Variants in PDE10A observed in about 807,000 individuals in gnomAD.
PDE10A encodes phosphodiesterase 10A.
PDE10A carries 39 observed loss-of-function variants against 97.7 expected under a neutral mutation model. The observed-to-expected ratio is 0.40, with a 90% CI of 0.31 to 0.52. PDE10A has a LOEUF of 0.52. PDE10A is among the 20% of genes least tolerant of loss of function. The pLI is 0.56. For missense variants in PDE10A, 731 were observed against 1,047.8 expected (o/e 0.70, Z 4.17); for synonymous variants, 371 against 376.8 (o/e 0.98, Z 0.18).
intron 1 of PDE10A, among the ~76,000 whole-genome samples, chr6:165,672,880 A>G (rs1790687503): frequency 6.6e-6 from 1 of 152,208 alleles, no homozygotes; most frequent in African/African-American, 2.4e-5. Context: ...ACACCATCAT[A>G]AAGTCAAAAA....
intron 20 of PDE10A, among the ~76,000 whole-genome samples, chr6:165,338,956 TGGG>T (rs1398276269): frequency 6.6e-6 from 1 of 152,206 alleles, no homozygotes; most frequent in Non-Finnish European, 1.5e-5. Context: ...CTTTTAGCCT[TGGG>T]AACAAAATCA....
chr6:165,444,634 CATA>C (rs1790708833), intron 5 of PDE10A, among the ~76,000 whole-genome samples: 1 of 151,342 alleles, frequency 6.6e-6, no homozygotes. Flanking sequence ...TAATGATTTC[CATA>C]ATAATATTTT....
At chr6:165,386,715 G>A (rs1785324817) in intron 17 of PDE10A, among the ~76,000 whole-genome samples, 1 of 151,894 alleles carries the variant, frequency 6.6e-6, no homozygotes, top group Non-Finnish European at 1.5e-5. Context: ...AAATTTCTAT[G>A]TATGCAGCCA....
At chr6:165,478,570 C>T (rs6930523) in intron 3 of PDE10A, among the ~76,000 whole-genome samples, 12,384 of 152,206 alleles carry the variant, frequency 0.081, 633 homozygotes, top group East Asian at 0.25. Context: ...CATCACATGA[C>T]GGCAGGCCCT....
chr6:165,651,779 C>T (rs537555941), intron 1 of PDE10A, among the ~76,000 whole-genome samples: 1 of 152,070 alleles, frequency 6.6e-6, no homozygotes, highest in African/African-American at 2.4e-5. Flanking sequence ...CATAAATATA[C>T]CTATATATGT....
chr6:165,549,561 T>C (rs765279399), intron 1 of PDE10A, among the ~76,000 whole-genome samples: 11 of 152,178 alleles, frequency 7.2e-5, no homozygotes, highest in Non-Finnish European at 1.6e-4. Flanking sequence ...CCTGACCTCA[T>C]GATCCACCCA....
intron 14 of PDE10A, among the ~76,000 whole-genome samples, chr6:165,396,102 C>T (rs1786136009): frequency 6.6e-6 from 1 of 152,052 alleles, no homozygotes; most frequent in Non-Finnish European, 1.5e-5. Flanking sequence ...AAACTGAGTT[C>T]AGATTTTCTT....
chr6:165,705,560 A>C (rs1327003797), intron 1 of PDE10A, among the ~76,000 whole-genome samples: 1 of 152,238 alleles, frequency 6.6e-6, no homozygotes, highest in Non-Finnish European at 1.5e-5. Context: ...TGAATTCAAA[A>C]TGTTATTCAA....
At chr6:165,425,877 T>A (rs1332841619) in intron 10 of PDE10A, among the ~76,000 whole-genome samples, 3 of 151,056 alleles carry the variant, frequency 2.0e-5, no homozygotes, top group African/African-American at 4.9e-5. Context: ...GGATACATAA[T>A]CAAGGTATAA....
intron 18 of PDE10A, among the ~76,000 whole-genome samples, chr6:165,355,597 C>T (rs968644211): frequency 7.9e-5 from 12 of 151,956 alleles, no homozygotes; most frequent in African/African-American, 2.9e-4. Flanking sequence ...TGTATCTAGC[C>T]CCTGTTGCTG....
chr6:165,844,445 TA>T (rs1159551390), intron 1 of PDE10A, among the ~76,000 whole-genome samples: 2 of 152,202 alleles, frequency 1.3e-5, no homozygotes, highest in Non-Finnish European at 2.9e-5. Context: ...TGGTGAAATT[TA>T]ATAGGGAGCA....
intron 1 of PDE10A, among the ~76,000 whole-genome samples, chr6:165,595,856 G>C (rs1020137183): frequency 1.3e-5 from 2 of 152,066 alleles, no homozygotes; most frequent in African/African-American, 4.8e-5. Context: ...ATTCTCAGGG[G>C]TACAGCCCTC....
intron 1 of PDE10A, among the ~76,000 whole-genome samples, chr6:165,967,987 C>T (rs751587431): frequency 2.6e-5 from 4 of 152,136 alleles, no homozygotes; most frequent in Non-Finnish European, 4.4e-5. Flanking sequence ...GCTCTGGTGT[C>T]GATGCTGAGC....
At chr6:165,595,335 A>G (rs770602086) in intron 1 of PDE10A, among the ~76,000 whole-genome samples, 22 of 152,360 alleles carry the variant, frequency 1.4e-4, no homozygotes, top group Non-Finnish European at 2.5e-4. Context: ...GCCTTTGGCT[A>G]TATTATAGAG....
In PDE10A at chr6:165,562,284, G is replaced by A. The variant is rs544995447; in HGVS notation, c.866-18716C>T. ...ATTCATATTATGTATAAAATAGAAT[G>A]TAGCCTGTTATTAAATCTATATACC... On this transcript the variant is annotated intron_variant, in intron 1 of 21. Coordinates refer to ENST00000539869, the MANE Select transcript of PDE10A (RefSeq NM_001385079.1). Among the ~76,000 whole-genome samples the A allele has an allele frequency of 3.5e-4, 54 of 152,228 alleles. No individual in the cohort carries two copies. The South Asian group carries it at 0.011, about 31-fold the overall frequency.
At chr6:165,625,056 A>G (rs1468650355) in intron 1 of PDE10A, among the ~76,000 whole-genome samples, 4 of 152,220 alleles carry the variant, frequency 2.6e-5, no homozygotes, top group Non-Finnish European at 4.4e-5. Context: ...CATGGAGAAC[A>G]ATGCACTTGA....
Position 165,336,141 on chromosome 6 carries a change from G to A in PDE10A, c.3047C>T (p.Pro1016Leu). 1 of 1,613,042 alleles carries A rather than the reference G, an allele frequency of 6.2e-7. No individual in the cohort carries two copies. Among genetic ancestry groups the A allele is most frequent in the Non-Finnish European group, 8.5e-7 (1 of 1,179,098 alleles). The change falls in exon 21 of 22, where the codon CCT becomes CTT. Residue 1016 changes from proline to leucine, a missense_variant. Around this residue, in one of 8 missense-constraint regions of PDE10A, gnomAD observed 96 missense variants for 156.7 expected, o/e 0.61. Transcript: ENST00000539869. ...TLTQILPPTE[P>L]LLKACRDNLS... is the part of the protein sequence containing the mutation. The stretch of plus-strand genomic sequence containing the variant: ...TACATACCTGCATGCTTTCAGAAGA[G>A]GCTCCGTGGGAGGGAGGATCTGGGT...
chr6:165,852,468 G>A (rs1780598007), intron 1 of PDE10A, among the ~76,000 whole-genome samples: 1 of 152,208 alleles, frequency 6.6e-6, no homozygotes, highest in Admixed American at 6.5e-5. Context: ...TTCATCCTTA[G>A]TAAGCTTAAG....
intron 1 of PDE10A, among the ~76,000 whole-genome samples, chr6:165,889,866 A>G (rs1384244294): frequency 1.6e-5 from 1 of 61,462 alleles, no homozygotes; most frequent in Non-Finnish European, 3.3e-5. Context: ...TCCCTCACTC[A>G]CTCCTCACTC....
Sources: gnomAD v4.1 joint callset for allele counts (sites outside exome capture counted in the v4.1 genomes callset) on GRCh38, gnomAD v4.1.1 for gene constraint, gnomAD v4.1.1 regional missense constraint, MANE v1.5 for transcripts, NCBI Gene and HGNC (gene_info 2026-07-23, HGNC 2026-07-21) for gene names.